The following AKAP12 variants were observed in gnomAD, a reference collection of about 807,000 sequenced individuals.
AKAP12 encodes the protein A-kinase anchor protein 12.
Under a neutral mutation model 79.9 loss-of-function variants are expected in AKAP12, and 32 were observed. The ratio of observed to expected loss-of-function variants is 0.40; its 90% CI spans 0.30 to 0.54. AKAP12 has a LOEUF of 0.54. AKAP12 is among the 20% of genes least tolerant of loss of function. AKAP12 has a pLI of 0.48. For missense variants in AKAP12, 2,074 were observed against 2,177.0 expected, an observed-to-expected ratio of 0.95 and a Z score of 0.94; for synonymous variants, 808 against 857.0, an observed-to-expected ratio of 0.94 and a Z score of 1.00.
chr6:151,338,738 G>A (rs986037912), intron 3 of AKAP12, among the ~76,000 whole-genome samples: 2 of 152,130 alleles, frequency 1.3e-5, no homozygotes, highest in African/African-American at 2.4e-5. Flanking sequence ...GGCGTGAGCC[G>A]CTGCACCCGG....
In AKAP12 at chr6:151,317,600, A is replaced by G. The variant is rs75759375; in HGVS notation, c.319+11697A>G. Among the ~76,000 whole-genome samples the G allele has an allele frequency of 8.3e-3, 1,261 of 152,344 alleles. 18 individuals are homozygous for G. The highest frequency in any genetic ancestry group is 0.029 in the African/African-American group (1,222 of 41,572). ...TCAGACTCTTTAAAACATGAGAACA[A>G]CTTAGTTTGCTTTAAGCCAAATATT... On this transcript the variant is annotated intron_variant, in intron 3 of 4. Coordinates refer to ENST00000402676, the MANE Select transcript of AKAP12 (RefSeq NM_005100.4).
At chr6:151,304,819 G>A (rs549135015) in intron 2 of AKAP12, among the ~76,000 whole-genome samples, 7 of 151,954 alleles carry the variant, frequency 4.6e-5, no homozygotes, top group Non-Finnish European at 7.4e-5. Flanking sequence ...TGATCTGCCC[G>A]CCTCGGCCTC....
intron 2 of AKAP12, among the ~76,000 whole-genome samples, chr6:151,244,240 A>G (rs960003387): frequency 5.6e-4 from 85 of 152,170 alleles, no homozygotes; most frequent in African/African-American, 1.8e-3. Flanking sequence ...AAAACAGACA[A>G]TTGGCCGGGT....
intron 3 of AKAP12, among the ~76,000 whole-genome samples, chr6:151,327,423 C>T (rs923599162): frequency 6.6e-6 from 1 of 152,040 alleles, no homozygotes; most frequent in Non-Finnish European, 1.5e-5. Context: ...CAAAAATCTC[C>T]ATTTTTTCCC....
chr6:151,349,138 C>T lies in AKAP12; in HGVS notation c.747C>T (p.His249=), dbSNP rs753951618. 4.2e-5 allele frequency: 67 copies of T among 1,613,620 alleles called. No individual in the cohort carries two copies. Among genetic ancestry groups the T allele is most frequent in the African/African-American group, 2.1e-4 (16 of 74,832 alleles). The change falls in exon 4 of 5, where the codon CAC becomes CAT. Residue 249 remains histidine, a synonymous_variant. Transcript: ENST00000402676. The part of the protein sequence containing the change: ...PEETLKREQS[H]AEISPPAESG... ...AGACCCTGAAGCGTGAGCAAAGCCA[C>T]GCAGAAATTTCTCCCCCAGCCGAAT... is the stretch of plus-strand genomic sequence containing the variant.
At chr6:151,354,866 G>T (rs1302016679) in intron 4 of AKAP12, among the ~76,000 whole-genome samples, 1 of 151,916 alleles carries the variant, frequency 6.6e-6, no homozygotes, top group African/African-American at 2.4e-5. Flanking sequence ...TTTTTTTGCA[G>T]ACAGGGGTCT....
In AKAP12 at chr6:151,352,498, G is replaced by C; in HGVS notation, c.4107G>C (p.Glu1369Asp). 1 of 1,614,166 alleles carries C rather than the reference G, an allele frequency of 6.2e-7. No homozygotes were observed. Among genetic ancestry groups the C allele is most frequent in the Admixed American group, 1.7e-5 (1 of 60,028 alleles). The change falls in exon 4 of 5, where the codon GAG (glutamate) becomes GAC (aspartate). Residue 1369 changes from glutamate (E) to aspartate (D), a missense_variant. Coordinates refer to ENST00000402676, the MANE Select transcript of AKAP12 (RefSeq NM_005100.4). ...EHETAVTVSE[E>D]VSKQLLQTVN... Reference sequence around the variant, plus strand: ...AAACAGCTGTTACCGTATCTGAAGAGGTCAGTAAGCAGCTCCTCCAGACAG... The same window carrying C: ...AAACAGCTGTTACCGTATCTGAAGACGTCAGTAAGCAGCTCCTCCAGACAG...
chr6:151,262,148 T>C (rs939266428), intron 2 of AKAP12, among the ~76,000 whole-genome samples: 2 of 151,990 alleles, frequency 1.3e-5, no homozygotes, highest in Non-Finnish European at 2.9e-5. Context: ...ATGGGGTTTC[T>C]CCATGTTGGT....
At chr6:151,269,094 A>G (rs914938957) in intron 2 of AKAP12, among the ~76,000 whole-genome samples, 4 of 151,474 alleles carry the variant, frequency 2.6e-5, no homozygotes, top group Non-Finnish European at 5.9e-5. Context: ...TCAAGATGAA[A>G]GATGTTCAGT....
At chr6:151,280,658 T>G (rs1157867771) in intron 2 of AKAP12, 5 of 149,662 alleles carry the variant, frequency 3.3e-5, no homozygotes, top group African/African-American at 1.2e-4. Context: ...TTTTTTTTTT[T>G]TTTTTGAGAA....
intron 2 of AKAP12, among the ~76,000 whole-genome samples, chr6:151,266,363 G>A (rs1407970928): frequency 6.6e-6 from 1 of 151,912 alleles, no homozygotes; most frequent in Non-Finnish European, 1.5e-5. Flanking sequence ...CTTAGATATG[G>A]TGCCAGCATT....
In AKAP12 at chr6:151,332,776, C is replaced by T. The variant is rs181482130; in HGVS notation, c.320-15935C>T. 2.6e-3 allele frequency among the ~76,000 whole-genome samples: 393 copies of T among 152,198 alleles called. 1 individual carries two copies. The highest frequency in any genetic ancestry group is 5.1e-3 in the African/African-American group (211 of 41,538). On this transcript the variant is annotated intron_variant, in intron 3 of 4. Coordinates refer to ENST00000402676, the MANE Select transcript of AKAP12 (RefSeq NM_005100.4). The stretch of plus-strand genomic sequence containing the variant: ...TGAATTCGGGCTCCAGAGGCTTCTA[C>T]GGGGGACACACCGACCACTCCCTTT...
chr6:151,279,717 G>A (rs923850583), intron 2 of AKAP12, among the ~76,000 whole-genome samples: 1 of 151,840 alleles, frequency 6.6e-6, no homozygotes, highest in Non-Finnish European at 1.5e-5. Context: ...GGTGGCAGGC[G>A]CCTGTAGTCC....
chr6:151,323,693 T>C, intron 3 of AKAP12: 1 of 985,042 alleles, frequency 1.0e-6, no homozygotes, highest in Non-Finnish European at 1.2e-6. Context: ...ACTAGTGACA[T>C]TTTGTGTGTT....
chr6:151,351,656 G>C lies in AKAP12; in HGVS notation c.3265G>C (p.Glu1089Gln). 1 of 1,614,190 alleles carries C rather than the reference G, an allele frequency of 6.2e-7. No homozygotes were observed. Among genetic ancestry groups the C allele is most frequent in the Non-Finnish European group, 8.5e-7 (1 of 1,180,058 alleles). ...GGCTGAAGCGTCGGGTCTGAAGAAA[G>C]AGACGGATGTAGTGTTGAAAGTAGA... ...EQAEASGLKK[E>Q]TDVVLKVDAQ... The change falls in exon 4 of 5, where the codon GAG becomes CAG. Residue 1089 changes from glutamate (E) to glutamine (Q), a missense_variant. Coordinates refer to ENST00000402676, the MANE Select transcript of AKAP12 (RefSeq NM_005100.4). This position sits in a 1 kb window ranked among gnomAD's most constrained non-coding sequence, Gnocchi z 4.4.
intron 2 of AKAP12, among the ~76,000 whole-genome samples, chr6:151,280,206 T>G (rs781412788): frequency 3.3e-5 from 5 of 152,102 alleles, no homozygotes; most frequent in Non-Finnish European, 5.9e-5. Flanking sequence ...AACCAGTCTC[T>G]TTACTGATTG....
chr6:151,327,698 G>A lies in AKAP12; in HGVS notation c.320-21013G>A, dbSNP rs138778580. 4.6e-5 allele frequency among the ~76,000 whole-genome samples: 7 copies of A among 152,322 alleles called. No homozygotes were observed. In the East Asian group the frequency reaches 1.3e-3, roughly 29 times the overall value. Reference sequence around the variant, plus strand: ...ATAGTTGGCTCAGATAATCCCAATGGAGTGATAAATGAATGGAAATAGTGG... The same window carrying A: ...ATAGTTGGCTCAGATAATCCCAATGAAGTGATAAATGAATGGAAATAGTGG... On this transcript the variant is annotated intron_variant, in intron 3 of 4. Coordinates refer to ENST00000402676, the MANE Select transcript of AKAP12 (RefSeq NM_005100.4).
chr6:151,275,058 C>T (rs9478190), intron 2 of AKAP12, among the ~76,000 whole-genome samples: 2 of 151,958 alleles, frequency 1.3e-5, no homozygotes, highest in African/African-American at 2.4e-5. Context: ...GAGCCGTGAT[C>T]GCGCCACTGC....
At chr6:151,261,650 G>A (rs966602559) in intron 2 of AKAP12, among the ~76,000 whole-genome samples, 34 of 151,454 alleles carry the variant, frequency 2.2e-4, no homozygotes, top group African/African-American at 6.5e-4. Context: ...GCAGTGAGCC[G>A]TGATCATGCC....
Sources: gnomAD v4.1 joint callset for allele counts (sites outside exome capture counted in the v4.1 genomes callset) on GRCh38, gnomAD v4.1.1 for gene constraint, Gnocchi (gnomAD v3.1) non-coding constraint, MANE v1.5 for transcripts, NCBI Gene and HGNC (gene_info 2026-07-23, HGNC 2026-07-21) for gene names.